Variants in GNB4 observed in about 807,000 individuals in gnomAD.
The protein encoded by GNB4 is G protein subunit beta 4.
GNB4 carries 28 observed loss-of-function variants against 45.2 expected under a neutral mutation model. The observed-to-expected ratio is 0.62, with a 90% CI of 0.46 to 0.85. GNB4 has a LOEUF of 0.85. GNB4 is among the 40% of genes least tolerant of loss of function. GNB4 has a pLI of 0.00. For synonymous variants in GNB4, 132 were observed against 143.7 expected (o/e 0.92, Z 0.58); for missense variants, 321 against 425.4 (o/e 0.75, Z 2.16).
chr3:179,480,012 C>T, the GNB4 span, among the ~76,000 whole-genome samples: 2 of 152,224 alleles, frequency 1.3e-5, no homozygotes, highest in Admixed American at 6.5e-5. Flanking sequence ...GAGAGATCGA[C>T]TCTCATGAAT....
chr3:179,510,920 C>T, the GNB4 span, among the ~76,000 whole-genome samples: 7 of 152,152 alleles, frequency 4.6e-5, no homozygotes, highest in South Asian at 4.1e-4. Flanking sequence ...AATCTGGGCA[C>T]GCCTGAAGTT....
At chr3:179,422,956 C>T (rs913486754) in intron 2 of GNB4, among the ~76,000 whole-genome samples, 2 of 151,690 alleles carry the variant, frequency 1.3e-5, no homozygotes, top group African/African-American at 4.8e-5. Context: ...CCACGCCCAG[C>T]TTTTTTTTGT....
In GNB4 at chr3:179,405,304, T is replaced by C. The variant is rs1187843117; in HGVS notation, c.802A>G (p.Asn268Asp). Residue 268 changes from asparagine to aspartate, a missense_variant, in exon 9 of 10, where the codon AAT (asparagine) becomes GAT (aspartate). Coordinates refer to ENST00000232564, the MANE Select transcript of GNB4 (RefSeq NM_021629.4). ...DQELLLYSHD[N>D]IICGITSVAF... ...ACAGAAGTGATTCCACAGATGATAT[T>C]GTCATGAGAATACAATAATAACTCT... The C allele has an allele frequency of 2.5e-6, 4 of 1,614,152 alleles. No homozygotes were observed. The highest frequency in any genetic ancestry group is 3.4e-6 in the Non-Finnish European group (4 of 1,180,000).
the GNB4 span, among the ~76,000 whole-genome samples, chr3:179,517,788 C>T: frequency 1.2e-4 from 19 of 152,308 alleles, no homozygotes; most frequent in African/African-American, 4.6e-4. Context: ...TATCCGTGAA[C>T]CCAAAACTCT....
intron 4 of GNB4, 42 bp downstream of exon 4, chr3:179,419,357 T>C: frequency 8.7e-7 from 1 of 1,143,360 alleles, no homozygotes; most frequent in South Asian, 1.2e-5. Context: ...TGAAAATAAT[T>C]CTGCAACAGT....
At chr3:179,488,523 T>A in the GNB4 span, among the ~76,000 whole-genome samples, 2 of 152,188 alleles carry the variant, frequency 1.3e-5, no homozygotes, top group African/African-American at 4.8e-5. Flanking sequence ...TAGGTTGTGA[T>A]CCCCTTCTTA....
At position 179,400,104 on chromosome 3, in the gene GNB4, A is replaced by G. The variant is rs1034110080; in HGVS notation, c.*1109T>C. ...TTTTGTGCTAAGGAAGGGAAGAAAT[A>G]CTACAAAATGTTGCAAAACAGAACA... On this transcript the variant is annotated 3_prime_UTR_variant, in exon 10 of 10. Coordinates refer to ENST00000232564, the MANE Select transcript of GNB4 (RefSeq NM_021629.4). 1.3e-5 allele frequency: 2 copies of G among 152,256 alleles called. No homozygotes were observed. Among genetic ancestry groups the G allele is most frequent in the Non-Finnish European group, 2.9e-5 (2 of 68,042 alleles). 9.4% of individuals were successfully genotyped at this position (152,256 alleles called of 1,614,324 possible). A position where few individuals can be genotyped will look rare whatever the true frequency, so the allele number is the denominator to read the frequency against.
At chr3:179,482,068 A>G in the GNB4 span, among the ~76,000 whole-genome samples, 2 of 151,694 alleles carry the variant, frequency 1.3e-5, no homozygotes, top group African/African-American at 4.8e-5. Flanking sequence ...ACACCTGGCT[A>G]ATTTTTGTGT....
the GNB4 span, among the ~76,000 whole-genome samples, chr3:179,519,288 A>G: frequency 1.8e-3 from 280 of 152,008 alleles, 1 homozygote; most frequent in Middle Eastern, 3.4e-3. Flanking sequence ...TCTGGCCCAA[A>G]GCTCTCTGAC....
At chr3:179,438,446 T>A (rs1474545649) in intron 1 of GNB4, among the ~76,000 whole-genome samples, 1 of 152,226 alleles carries the variant, frequency 6.6e-6, no homozygotes, top group African/African-American at 2.4e-5. Flanking sequence ...ATAATACACA[T>A]TTTTTAATGT....
At chr3:179,468,498 G>GAAAAA in the GNB4 span, among the ~76,000 whole-genome samples, 1 of 143,798 alleles carries the variant, frequency 7.0e-6, no homozygotes. Flanking sequence ...TCTGTCTCAA[G>GAAAAA]AAAAAAAAAA....
chr3:179,483,343 A>T, the GNB4 span, among the ~76,000 whole-genome samples: 1 of 151,966 alleles, frequency 6.6e-6, no homozygotes, highest in African/African-American at 2.4e-5. Context: ...ATTAAACTAT[A>T]TATATACTAT....
chr3:179,493,525 CA>C, the GNB4 span, among the ~76,000 whole-genome samples: 46,080 of 117,396 alleles, frequency 0.39, 7,514 homozygotes, highest in East Asian at 0.48. Context: ...TATCCAGTCT[CA>C]AAAAAAAAAA....
At chr3:179,413,813 A>G (rs1347564850) in intron 6 of GNB4, 32 bp from the exon 7 acceptor site, 2 of 1,529,964 alleles carry the variant, frequency 1.3e-6, no homozygotes, top group Admixed American at 3.4e-5. Flanking sequence ...ATTTTAGGTT[A>G]TCACTGATTG....
At position 179,400,518 on chromosome 3, in the gene GNB4, T is replaced by G. The variant is rs1253660102; in HGVS notation, c.*695A>C. On this transcript the variant is annotated 3_prime_UTR_variant, in exon 10 of 10. Transcript: ENST00000232564. ...TTTATATGCTATTACCTACTTTTTATTAATTATAATGATGTTTCTTATGTA... is the reference window on the plus strand; with the variant it reads ...TTTATATGCTATTACCTACTTTTTAGTAATTATAATGATGTTTCTTATGTA... 3 of 152,188 alleles carry G rather than the reference T, an allele frequency of 2.0e-5. No homozygotes were observed. The highest frequency in any genetic ancestry group is 7.2e-5 in the African/African-American group (3 of 41,414). The allele number at this position is 152,188 out of a possible 1,614,324, so 9.4% of individuals were successfully genotyped here.
At chr3:179,482,644 G>A in the GNB4 span, among the ~76,000 whole-genome samples, 1 of 152,088 alleles carries the variant, frequency 6.6e-6, no homozygotes. Context: ...GTTTTGAAGG[G>A]TAGAGCCACC....
chr3:179,488,387 G>A, the GNB4 span, among the ~76,000 whole-genome samples: 1 of 152,130 alleles, frequency 6.6e-6, no homozygotes, highest in Non-Finnish European at 1.5e-5. Flanking sequence ...AATATTCATA[G>A]CTCCTGCTGT....
At chr3:179,421,237 A>G (rs1257274523) in intron 2 of GNB4, among the ~76,000 whole-genome samples, 1 of 152,140 alleles carries the variant, frequency 6.6e-6, no homozygotes. Flanking sequence ...CTTAACAGTC[A>G]CTAATTTACT....
chr3:179,517,826 GT>G, the GNB4 span, among the ~76,000 whole-genome samples: 1 of 152,184 alleles, frequency 6.6e-6, no homozygotes, highest in African/African-American at 2.4e-5. Context: ...CGGGAAGACA[GT>G]CTTCCCTTGG....
Sources: allele counts gnomAD v4.1 joint callset (sites outside exome capture counted in the v4.1 genomes callset), GRCh38; gene constraint gnomAD v4.1.1; transcripts MANE v1.5; gene names NCBI Gene and HGNC (gene_info 2026-07-23, HGNC 2026-07-21).